Variants in LTBP1 observed in about 807,000 individuals in gnomAD.
LTBP1 encodes the protein latent-transforming growth factor beta-binding protein 1.
Under a neutral mutation model 207.6 loss-of-function variants are expected in LTBP1, and 129 were observed. The ratio of observed to expected loss-of-function variants is 0.62; its 90% confidence interval spans 0.54 to 0.72. LTBP1 has a LOEUF of 0.72. LTBP1 is among the 30% of genes least tolerant of loss of function. LTBP1 has a pLI of 0.00. For synonymous variants in LTBP1, 963 were observed against 833.7 expected (o/e 1.16, Z -2.67); for missense variants, 2,281 against 2,217.2 (o/e 1.03, Z -0.58).
intron 31 of LTBP1, among the ~76,000 whole-genome samples, chr2:33,378,885 G>A (rs1011713285): frequency 6.6e-6 from 1 of 152,182 alleles, no homozygotes; most frequent in African/African-American, 2.4e-5. Context: ...TGCCCCTTAT[G>A]ATTGGGAGAA....
intron 2 of LTBP1, among the ~76,000 whole-genome samples, chr2:32,976,269 A>G (rs1022742050): frequency 4.6e-5 from 7 of 152,150 alleles, no homozygotes; most frequent in Non-Finnish European, 1.0e-4. Context: ...TTCCCGGTCC[A>G]CTGACCTCAG....
intron 15 of LTBP1, among the ~76,000 whole-genome samples, chr2:33,266,347 C>A (rs2093175763): frequency 6.6e-6 from 1 of 152,180 alleles, no homozygotes; most frequent in Non-Finnish European, 1.5e-5. Context: ...AGGTGCCCCT[C>A]AGCATGAATA....
At chr2:33,250,881 G>A (rs945015340) in intron 10 of LTBP1, among the ~76,000 whole-genome samples, 2 of 152,064 alleles carry the variant, frequency 1.3e-5, no homozygotes, top group Non-Finnish European at 2.9e-5. Flanking sequence ...GGACTGGCCT[G>A]CCCAGCTGCT....
At position 33,055,620 on chromosome 2, in the gene LTBP1, G is replaced by A. The variant is rs116821331; in HGVS notation, c.863+34414G>A. 9.4e-3 allele frequency among the ~76,000 whole-genome samples: 1,424 copies of A among 152,248 alleles called. 10 individuals carry two copies. The highest frequency in any genetic ancestry group is 0.015 in the Non-Finnish European group (1,016 of 68,016). ...CTGCAGCTAAAGCCGCATTCTTTTC[G>A]TTAAAGGCCAGGGTTTGATCTAACA... is the stretch of plus-strand genomic sequence containing the variant. On this transcript the variant is annotated intron_variant, in intron 3 of 33. Transcript: ENST00000404816.
Position 33,134,295 on chromosome 2 carries a change from C to G in LTBP1, c.1034-498C>G. The G allele has an allele frequency of 2.5e-6, 1 of 396,736 alleles. No homozygotes were observed. Among genetic ancestry groups the G allele is most frequent in the East Asian group, 7.2e-5 (1 of 13,904 alleles). The allele number at this position is 396,736 out of a possible 1,614,324, so 24.6% of individuals were successfully genotyped here. A position where few individuals can be genotyped will look rare whatever the true frequency, so the allele number is the denominator to read the frequency against. ...CAGATGTTTTCAGACATGCCGCATG[C>G]CTAAAACATTTCCAGGGGTCGGGCT... is the stretch of plus-strand genomic sequence containing the variant. On this transcript the variant is annotated intron_variant, in intron 4 of 33. Transcript: ENST00000404816. This position sits in a 1 kb window ranked among gnomAD's most constrained non-coding sequence, Gnocchi z 4.4.
intron 3 of LTBP1, among the ~76,000 whole-genome samples, chr2:33,026,821 A>G (rs141147985): frequency 2.6e-5 from 4 of 152,364 alleles, no homozygotes; most frequent in East Asian, 3.9e-4. Flanking sequence ...GAAAAGTACA[A>G]AAGTCAAAAG....
At chr2:33,004,816 A>ATATAG (rs1558501569) in intron 2 of LTBP1, among the ~76,000 whole-genome samples, 93 of 72,050 alleles carry the variant, frequency 1.3e-3, no homozygotes, top group African/African-American at 3.5e-3. Flanking sequence ...TATATATATA[A>ATATAG]ACATAAAATT....
At chr2:33,283,533 T>A (rs1231384990) in intron 19 of LTBP1, among the ~76,000 whole-genome samples, 1 of 147,778 alleles carries the variant, frequency 6.8e-6, no homozygotes, top group Non-Finnish European at 1.5e-5. Context: ...ACCTCCCGGA[T>A]TCACGCCATT....
chr2:33,074,804 A>G (rs1344549787), intron 3 of LTBP1, among the ~76,000 whole-genome samples: 1 of 149,510 alleles, frequency 6.7e-6, no homozygotes, highest in Non-Finnish European at 1.5e-5. Flanking sequence ...GAGGAGGTGG[A>G]GGTTGCAGTC....
At chr2:33,023,454 G>C (rs17324669) in intron 3 of LTBP1, among the ~76,000 whole-genome samples, 15,468 of 152,152 alleles carry the variant, frequency 0.1, 878 homozygotes, top group Non-Finnish European at 0.11. Flanking sequence ...TAAGGTTTCA[G>C]CTCTGACTCA....
chr2:33,205,451 A>T (rs1035901733), intron 7 of LTBP1, among the ~76,000 whole-genome samples: 2 of 152,218 alleles, frequency 1.3e-5, no homozygotes, highest in Non-Finnish European at 2.9e-5. Flanking sequence ...TCAGTAACAC[A>T]TTAGCACAAC....
chr2:33,017,057 A>G (rs1688481094), intron 2 of LTBP1, among the ~76,000 whole-genome samples: 1 of 152,192 alleles, frequency 6.6e-6, no homozygotes, highest in African/African-American at 2.4e-5. Flanking sequence ...TTCTGTGACA[A>G]TATTTATAAT....
chr2:33,056,072 C>A (rs530963396), intron 3 of LTBP1, among the ~76,000 whole-genome samples: 1 of 152,300 alleles, frequency 6.6e-6, no homozygotes, highest in East Asian at 1.9e-4. Flanking sequence ...CATTTGCCTT[C>A]CCTCTTACAG....
chr2:33,104,300 G>C (rs1345998432), intron 3 of LTBP1, among the ~76,000 whole-genome samples: 1 of 152,150 alleles, frequency 6.6e-6, no homozygotes, highest in Non-Finnish European at 1.5e-5. Flanking sequence ...CAAGTCTTTA[G>C]ATGGCCAGCC....
At chr2:33,391,799 C>G (rs1193800761) in intron 32 of LTBP1, among the ~76,000 whole-genome samples, 1 of 70,972 alleles carries the variant, frequency 1.4e-5, no homozygotes, top group Non-Finnish European at 3.2e-5. Context: ...TGCTTTAAAG[C>G]TCTTTTTTTT....
At chr2:33,145,733 A>T (rs1205465301) in intron 5 of LTBP1, among the ~76,000 whole-genome samples, 1 of 152,194 alleles carries the variant, frequency 6.6e-6, no homozygotes, top group Non-Finnish European at 1.5e-5. Context: ...CGCTGTGTGG[A>T]AATGAAAAAA....
At chr2:33,000,882 C>T (rs972951512) in intron 2 of LTBP1, among the ~76,000 whole-genome samples, 2 of 134,398 alleles carry the variant, frequency 1.5e-5, no homozygotes, top group African/African-American at 5.2e-5. Flanking sequence ...ACTCAACCCG[C>T]TTCATCTGCT....
chr2:33,074,602 G>A (rs79138845), intron 3 of LTBP1, among the ~76,000 whole-genome samples: 1 of 152,150 alleles, frequency 6.6e-6, no homozygotes, highest in Non-Finnish European at 1.5e-5. Context: ...GGGCACAGTG[G>A]CTCACGCCTG....
chr2:33,110,561 C>T, intron 3 of LTBP1, 21 bp from the exon 4 acceptor site: 1 of 1,605,128 alleles, frequency 6.2e-7, no homozygotes, highest in Non-Finnish European at 8.5e-7. Flanking sequence ...AATTCCTTCT[C>T]TTTATTTTGT....
Sources: allele counts gnomAD v4.1 joint callset (sites outside exome capture counted in the v4.1 genomes callset), GRCh38; gene constraint gnomAD v4.1.1; non-coding constraint Gnocchi (gnomAD v3.1); transcripts MANE v1.5; gene names NCBI Gene and HGNC (gene_info 2026-07-23, HGNC 2026-07-21).